The following HNRNPA1 variants were observed in gnomAD, a reference collection of about 807,000 sequenced individuals.
HNRNPA1 encodes heterogeneous nuclear ribonucleoprotein A1.
A neutral mutation model predicts 44.4 loss-of-function variants in HNRNPA1; 7 were observed. That is an observed-to-expected ratio of 0.16 (90% CI 0.09 to 0.30). The LOEUF (loss-of-function observed/expected upper bound fraction) is 0.30. Among genes scored for constraint, HNRNPA1 ranks in the 10% least tolerant of loss-of-function variants. HNRNPA1 has a pLI of 1.00. For synonymous variants in HNRNPA1, 169 were observed against 160.6 expected, an observed-to-expected ratio of 1.05 and a Z score of -0.40; for missense variants, 193 against 465.8, an observed-to-expected ratio of 0.41 and a Z score of 5.39.
In HNRNPA1 at chr12:54,285,631, C is replaced by T. The variant is rs1159509738; in HGVS notation, c.*1087C>T. On this transcript the variant is annotated 3_prime_UTR_variant, in exon 11 of 11. Transcript: ENST00000340913. ...ATAATTTCATGTTAACTGCAGTTTC[C>T]CTTTATGGCACAAGGGGTCACACAA... is the stretch of plus-strand genomic sequence containing the variant. 6.6e-6 allele frequency: 1 copy of T among 151,868 alleles called. No homozygotes were observed. Among genetic ancestry groups the T allele is most frequent in the Non-Finnish European group, 1.5e-5 (1 of 67,946 alleles). 9.4% of individuals were successfully genotyped at this position (151,868 alleles called of 1,614,324 possible). A position where few individuals can be genotyped will look rare whatever the true frequency, so the allele number is the denominator to read the frequency against.
In HNRNPA1 at chr12:54,280,836, G is replaced by A; in HGVS notation, c.15+14G>A. ...TCTAAGTCAGAGGTGAGTTAGGCGC[G>A]CTTTCCCACTTGAATTTTTTCCTCT... On this transcript the variant is annotated intron_variant, in intron 1 of 10. Transcript: ENST00000340913. The A allele has an allele frequency of 6.2e-7, 1 of 1,614,030 alleles. No individual in the cohort carries two copies. Among genetic ancestry groups the A allele is most frequent in the Non-Finnish European group, 8.5e-7 (1 of 1,179,924 alleles).
chr12:54,280,780 C>G lies in HNRNPA1; in HGVS notation c.-28C>G. The stretch of plus-strand genomic sequence containing the variant: ...CCCGTGGACGCCGCCGAAGAAGCAT[C>G]GTTAAAGTCTCTCTTCACCCTGCCG... On this transcript the variant is annotated 5_prime_UTR_variant, in exon 1 of 11. The change creates a new upstream start codon in the 5' untranslated region. Coordinates refer to ENST00000340913, the MANE Select transcript of HNRNPA1 (RefSeq NM_031157.4). 1.9e-6 allele frequency: 3 copies of G among 1,614,056 alleles called. No individual in the cohort carries two copies. The highest frequency in any genetic ancestry group is 2.5e-6 in the Non-Finnish European group (3 of 1,179,926).
chr12:54,282,687 G>A (rs747385888), intron 6 of HNRNPA1, 22 bp downstream of exon 6: 1 of 1,603,900 alleles, frequency 6.2e-7, no homozygotes, highest in Non-Finnish European at 8.5e-7. Context: ...TTATCTACAT[G>A]TAGTTCTGAC....
chr12:54,283,736 A>G, intron 8 of HNRNPA1, 76 bp from the exon 9 acceptor site: 3 of 1,425,822 alleles, frequency 2.1e-6, no homozygotes, highest in Non-Finnish European at 3.0e-6. Flanking sequence ...ACCTTATTTT[A>G]TTCTGACTGC....
At chr12:54,281,103 G>A (rs1277486811) in intron 1 of HNRNPA1, 2 of 700,488 alleles carry the variant, frequency 2.9e-6, no homozygotes, top group Admixed American at 4.0e-5. Flanking sequence ...TGGTGAGCGA[G>A]TTTTCTAAAG....
intron 1 of HNRNPA1, 144 bp downstream of exon 1, chr12:54,280,966 T>G: frequency 1.1e-6 from 1 of 903,170 alleles, no homozygotes; most frequent in Non-Finnish European, 1.8e-6. Context: ...AAAGTTCAAG[T>G]CGCCATTTTG....
chr12:54,282,686 T>C (rs1037652492), intron 6 of HNRNPA1, 21 bp downstream of exon 6: 2 of 1,605,746 alleles, frequency 1.2e-6, no homozygotes, highest in Middle Eastern at 1.7e-4. Context: ...TTTATCTACA[T>C]GTAGTTCTGA....
chr12:54,282,746 A>G (rs1944195928), intron 6 of HNRNPA1, 54 bp from the exon 7 acceptor site: 15 of 1,587,710 alleles, frequency 9.4e-6, no homozygotes, highest in Non-Finnish European at 1.3e-5. Flanking sequence ...AACTGCATTC[A>G]GAATGTCACT....
At chr12:54,282,690 G>GTTCT in intron 6 of HNRNPA1, 25 bp downstream of exon 6, 1 of 1,601,796 alleles carries the variant, frequency 6.2e-7, no homozygotes. Flanking sequence ...TCTACATGTA[G>GTTCT]TTCTGACTTC....
In HNRNPA1 at chr12:54,285,410, T is replaced by C. The variant is rs548016860; in HGVS notation, c.*866T>C. 9 of 152,314 alleles carry C rather than the reference T, an allele frequency of 5.9e-5. No individual in the cohort carries two copies. Among genetic ancestry groups the C allele is most frequent in the Admixed American group, 4.6e-4 (7 of 15,290 alleles). The allele number at this position is 152,314 out of a possible 1,614,324, so 9.4% of individuals were successfully genotyped here. A position where few individuals can be genotyped will look rare whatever the true frequency, so the allele number is the denominator to read the frequency against. On this transcript the variant is annotated 3_prime_UTR_variant, in exon 11 of 11. Coordinates refer to ENST00000340913, the MANE Select transcript of HNRNPA1 (RefSeq NM_031157.4). ...AATGCCGCTCCATAAATCCGCAGATTTGAAGTGTCTGGGAGGCCTTTTAAA... is the reference window on the plus strand; with the variant it reads ...AATGCCGCTCCATAAATCCGCAGATCTGAAGTGTCTGGGAGGCCTTTTAAA...
At position 54,285,479 on chromosome 12, in the gene HNRNPA1, CTTACA is replaced by C. The variant is rs1944249983; in HGVS notation, c.*939_*943del. 1.3e-5 allele frequency: 2 copies of C among 152,206 alleles called. No homozygotes were observed. Among genetic ancestry groups the C allele is most frequent in the South Asian group, 4.2e-4 (2 of 4,818 alleles). 9.4% of individuals were successfully genotyped at this position (152,206 alleles called of 1,614,324 possible). On this transcript the variant is annotated 3_prime_UTR_variant, in exon 11 of 11. Transcript: ENST00000340913. Reference sequence around the variant, plus strand: ...GCATTTTAATGAACGTAAAGATAGGCTTACATTAAAGGAAAACTGCAGTTTGACTG... The same window carrying C: ...GCATTTTAATGAACGTAAAGATAGGCTTAAAGGAAAACTGCAGTTTGACTG...
Position 54,286,324 on chromosome 12 carries a change from A to G in HNRNPA1, c.*1780A>G. On this transcript the variant is annotated 3_prime_UTR_variant, in exon 11 of 11. Transcript: ENST00000340913. ...TTTACTTACATCCATATAGTTACTT[A>G]AAGTCCAGTTTTCTGTTAAACATTT... 6.6e-6 allele frequency: 1 copy of G among 152,180 alleles called. No homozygotes were observed. The highest frequency in any genetic ancestry group is 1.5e-5 in the Non-Finnish European group (1 of 68,042). The allele number at this position is 152,180 out of a possible 1,614,324, so 9.4% of individuals were successfully genotyped here. A position where few individuals can be genotyped will look rare whatever the true frequency, so the allele number is the denominator to read the frequency against.
intron 9 of HNRNPA1, 67 bp from the exon 10 acceptor site, chr12:54,284,191 T>C: frequency 6.5e-7 from 1 of 1,533,426 alleles, no homozygotes; most frequent in Non-Finnish European, 9.0e-7. Flanking sequence ...TTAACTTTTA[T>C]TATCCCAAAT....
intron 2 of HNRNPA1, 129 bp downstream of exon 2, chr12:54,281,631 C>A: frequency 9.9e-7 from 1 of 1,012,000 alleles, no homozygotes; most frequent in East Asian, 2.4e-5. Context: ...AAAGGAACGT[C>A]CTGCTTTGAT....
At chr12:54,284,124 A>G (rs1443004856) in intron 9 of HNRNPA1, 134 bp from the exon 10 acceptor site, 4 of 1,233,936 alleles carry the variant, frequency 3.2e-6, no homozygotes, top group Admixed American at 2.6e-5. Flanking sequence ...AAATCATGGG[A>G]CCTCTTTACC....
intron 8 of HNRNPA1, 62 bp from the exon 9 acceptor site, chr12:54,283,750 A>T: frequency 6.6e-7 from 1 of 1,511,968 alleles, no homozygotes; most frequent in East Asian, 2.3e-5. Context: ...TGACTGCTAA[A>T]CAGAATTGGA....
chr12:54,284,231 C>G, intron 9 of HNRNPA1, 27 bp from the exon 10 acceptor site: 1 of 1,610,132 alleles, frequency 6.2e-7, no homozygotes, highest in Non-Finnish European at 8.5e-7. Context: ...CACTTTGAAA[C>G]TTTAAAAGAA....
At chr12:54,281,328 C>G in intron 1 of HNRNPA1, 58 bp from the exon 2 acceptor site, 1 of 954,564 alleles carries the variant, frequency 1.0e-6, no homozygotes, top group African/African-American at 1.6e-5. Flanking sequence ...TTCTTTTCCT[C>G]GATGGAAATT....
Position 54,286,928 on chromosome 12 carries a change from T to A in HNRNPA1, c.*2384T>A, listed in dbSNP as rs1365300995. The A allele has an allele frequency of 6.6e-6, 1 of 152,204 alleles. No homozygotes were observed. Among genetic ancestry groups the A allele is most frequent in the African/African-American group, 2.4e-5 (1 of 41,450 alleles). 9.4% of individuals were successfully genotyped at this position (152,204 alleles called of 1,614,324 possible). A position where few individuals can be genotyped will look rare whatever the true frequency, so the allele number is the denominator to read the frequency against. ...ATTCACCTCTGCTTATATGAATACT[T>A]TACAACCTCTTTTGCCTTTTGCAGG... On this transcript the variant is annotated 3_prime_UTR_variant, in exon 11 of 11. Coordinates refer to ENST00000340913, the MANE Select transcript of HNRNPA1 (RefSeq NM_031157.4).
Sources: gnomAD v4.1 joint callset for allele counts on GRCh38, gnomAD v4.1.1 for gene constraint, MANE v1.5 for transcripts, NCBI Gene and HGNC (gene_info 2026-07-23, HGNC 2026-07-21) for gene names.